MGAT4C: variants seen among roughly 807,000 people sequenced by gnomAD.
MGAT4C encodes the protein alpha-1,3-mannosyl-glycoprotein 4-beta-N-acetylglucosaminyltransferase C.
MGAT4C carries 19 observed loss-of-function variants against 40.1 expected under a neutral mutation model. The observed-to-expected ratio is 0.47, with a 90% CI of 0.33 to 0.70. MGAT4C has a LOEUF of 0.70. Ranked by LOEUF, MGAT4C falls within the 30% of genes least tolerant of loss-of-function variation. MGAT4C has a pLI of 0.02. For synonymous variants in MGAT4C, 181 were observed against 187.1 expected, an observed-to-expected ratio of 0.97 and a Z score of 0.27; for missense variants, 491 against 563.2, an observed-to-expected ratio of 0.87 and a Z score of 1.30.
chr12:86,697,080 G>A (rs549981834), intron 2 of MGAT4C, among the ~76,000 whole-genome samples: 1 of 152,006 alleles, frequency 6.6e-6, no homozygotes, highest in Non-Finnish European at 1.5e-5. Context: ...TATCTGATAA[G>A]GAATATTTCC....
intron 4 of MGAT4C, among the ~76,000 whole-genome samples, chr12:86,291,011 G>A (rs1176979093): frequency 5.9e-5 from 9 of 152,118 alleles, no homozygotes; most frequent in Non-Finnish European, 1.3e-4. Context: ...GAGAAATTGG[G>A]TCAGCTGAAC....
chr12:86,268,680 C>T (rs907265100), intron 4 of MGAT4C, among the ~76,000 whole-genome samples: 9 of 107,768 alleles, frequency 8.4e-5, no homozygotes, highest in African/African-American at 3.5e-4. Context: ...TATATATATA[C>T]ATATATACAT....
chr12:86,067,545 C>T (rs960579911), intron 1 of MGAT4C, among the ~76,000 whole-genome samples: 16 of 136,834 alleles, frequency 1.2e-4, no homozygotes, highest in Admixed American at 4.5e-4. Context: ...CATCACACAC[C>T]GGGGCCTGTT....
chr12:86,720,865 A>C (rs1950724961), intron 2 of MGAT4C, among the ~76,000 whole-genome samples: 1 of 152,178 alleles, frequency 6.6e-6, no homozygotes, highest in Non-Finnish European at 1.5e-5. Flanking sequence ...CACTCACATC[A>C]AAGATACATG....
chr12:86,155,176 A>G (rs1347156048), intron 1 of MGAT4C, among the ~76,000 whole-genome samples: 1 of 152,198 alleles, frequency 6.6e-6, no homozygotes, highest in Non-Finnish European at 1.5e-5. Context: ...AAAAATATCA[A>G]TGTGGCTGTA....
intron 2 of MGAT4C, among the ~76,000 whole-genome samples, chr12:86,503,078 T>C (rs868537271): frequency 1.2e-4 from 3 of 25,050 alleles, no homozygotes; most frequent in African/African-American, 2.7e-4. Flanking sequence ...TATATATATA[T>C]ATATGAGTTC....
intron 1 of MGAT4C, among the ~76,000 whole-genome samples, chr12:86,098,557 A>G (rs937436836): frequency 2.6e-5 from 4 of 151,592 alleles, no homozygotes; most frequent in African/African-American, 9.7e-5. Context: ...TAGAAACTAT[A>G]TATTAGATGC....
chr12:86,518,067 C>A (rs959502249), intron 2 of MGAT4C, among the ~76,000 whole-genome samples: 6 of 152,092 alleles, frequency 3.9e-5, no homozygotes, highest in Non-Finnish European at 7.4e-5. Flanking sequence ...TATCAACCTG[C>A]AGAAATATGG....
At chr12:86,299,741 T>C (rs1043346790) in intron 4 of MGAT4C, among the ~76,000 whole-genome samples, 1 of 152,186 alleles carries the variant, frequency 6.6e-6, no homozygotes, top group Admixed American at 6.5e-5. Flanking sequence ...TTTGGGACAA[T>C]ATGCCAAATT....
At chr12:86,704,063 A>G (rs1160472821) in intron 2 of MGAT4C, among the ~76,000 whole-genome samples, 4 of 152,178 alleles carry the variant, frequency 2.6e-5, no homozygotes. Flanking sequence ...AGTAATAATT[A>G]GGACAAGGAA....
At chr12:86,099,601 T>C (rs957062479) in intron 1 of MGAT4C, among the ~76,000 whole-genome samples, 1 of 151,422 alleles carries the variant, frequency 6.6e-6, no homozygotes, top group African/African-American at 2.4e-5. Context: ...CATATGGTTA[T>C]TAATTTCTAA....
chr12:85,972,749 T>A lies in MGAT4C; in HGVS notation c.*6540A>T, dbSNP rs528029435. The stretch of plus-strand genomic sequence containing the variant: ...ATAATTGGACAATTATGATAAAGGA[T>A]CTGAGATAATTATTCTAACTTTTTG... On this transcript the variant is annotated 3_prime_UTR_variant, in exon 5 of 5. Transcript: ENST00000611864. 3 of 151,074 alleles carry A rather than the reference T, an allele frequency of 2.0e-5. No individual in the cohort carries two copies. The East Asian group carries it at 5.8e-4, about 29-fold the overall frequency. The allele number at this position is 151,074 out of a possible 1,614,324, so 9.4% of individuals were successfully genotyped here.
intron 4 of MGAT4C, among the ~76,000 whole-genome samples, chr12:86,298,956 C>A (rs1160610988): frequency 1.3e-5 from 2 of 151,992 alleles, no homozygotes; most frequent in Non-Finnish European, 2.9e-5. Context: ...GAGTGCATAT[C>A]CTTTTTATAA....
chr12:86,280,117 T>C (rs1447101165), intron 4 of MGAT4C, among the ~76,000 whole-genome samples: 2 of 152,090 alleles, frequency 1.3e-5, no homozygotes, highest in African/African-American at 4.8e-5. Flanking sequence ...TTGAATGAAA[T>C]ATTCTGTAAA....
At chr12:86,562,189 A>G (rs1959898020) in intron 2 of MGAT4C, among the ~76,000 whole-genome samples, 1 of 152,168 alleles carries the variant, frequency 6.6e-6, no homozygotes, top group African/African-American at 2.4e-5. Flanking sequence ...TGAGCCTCAA[A>G]TCTTCTAAGA....
chr12:86,018,871 A>C (rs1308885684), intron 2 of MGAT4C, among the ~76,000 whole-genome samples: 1 of 152,098 alleles, frequency 6.6e-6, no homozygotes, highest in African/African-American at 2.4e-5. Flanking sequence ...CAGGATTGAG[A>C]TTTCCTGCCA....
chr12:86,002,480 T>C (rs1180419313), intron 2 of MGAT4C: 1 of 152,016 alleles, frequency 6.6e-6, no homozygotes, highest in Non-Finnish European at 1.5e-5. Flanking sequence ...TGAATAAAAC[T>C]ATAAAGTAGA....
intron 3 of MGAT4C, among the ~76,000 whole-genome samples, chr12:86,424,469 A>G (rs1956888446): frequency 6.6e-6 from 1 of 152,128 alleles, no homozygotes; most frequent in African/African-American, 2.4e-5. Flanking sequence ...CTTAAAAATT[A>G]TATTTAACTG....
rs190204147 is a variant in MGAT4C at position 86,517,402 on chromosome 12, A to C, written c.-228-82137T>G. Among the ~76,000 whole-genome samples, 410 of 152,318 alleles carry C rather than the reference A, an allele frequency of 2.7e-3. 2 individuals are homozygous for C. Among genetic ancestry groups the C allele is most frequent in the Middle Eastern group, 0.024 (7 of 294 alleles). ...TAGAACTATTAAAACTTTCAGAAAA[A>C]AATACAAAAAAAAATATTACTATCT... is the stretch of plus-strand genomic sequence containing the variant. On this transcript the variant is annotated intron_variant, in intron 2 of 7. Transcript: ENST00000548651.
Sources: gnomAD v4.1 joint callset for allele counts (sites outside exome capture counted in the v4.1 genomes callset) on GRCh38, gnomAD v4.1.1 for gene constraint, MANE v1.5 for transcripts, NCBI Gene and HGNC (gene_info 2026-07-23, HGNC 2026-07-21) for gene names.